MMP26: variants seen among roughly 807,000 people sequenced by gnomAD.
MMP26 encodes matrix metallopeptidase 26, also known as matrix metalloproteinase-26.
A neutral mutation model predicts 31.0 loss-of-function variants in MMP26; 33 were observed. The observed-to-expected ratio is 1.06, with a 90% CI of 0.81 to 1.42. The LOEUF (loss-of-function observed/expected upper bound fraction) is 1.42, where lower values mean the gene tolerates loss of function less well. MMP26 is among the 40% of genes most tolerant of loss of function. The pLI, the probability that MMP26 is intolerant of heterozygous loss-of-function variation, is 0.00. For synonymous variants in MMP26, 122 were observed against 114.9 expected, an observed-to-expected ratio of 1.06 and a Z score of -0.40; for missense variants, 347 against 316.1, an observed-to-expected ratio of 1.10 and a Z score of -0.74.
intron 2 of MMP26, among the ~76,000 whole-genome samples, chr11:4,844,588 G>A (rs1212832689): frequency 6.6e-6 from 1 of 151,928 alleles, no homozygotes; most frequent in African/African-American, 2.4e-5. Context: ...TGTATCCCTG[G>A]GACACAAGAA....
chr11:4,781,869 AC>A (rs1442673202), intron 2 of MMP26, among the ~76,000 whole-genome samples: 2 of 151,992 alleles, frequency 1.3e-5, no homozygotes, highest in Non-Finnish European at 1.5e-5. Flanking sequence ...ATAAGGGGAA[AC>A]CCTTTTTGTT....
rs1851064965 is a variant in MMP26 at position 4,915,303 on chromosome 11, G to A, written c.-144-72765G>A. 4 of 1,613,868 alleles carry A rather than the reference G, an allele frequency of 2.5e-6. No homozygotes were observed. In the South Asian group the frequency reaches 3.3e-5, roughly 13 times the overall value. On this transcript the variant is annotated intron_variant, in intron 2 of 7. Transcript: ENST00000380390. ...ACAAAGCGGTCAAAGGCCATAGACA[G>A]TAGCACAGAGGACTCGAGGAAGGAG...
chr11:4,810,319 C>A (rs927744487), intron 2 of MMP26, among the ~76,000 whole-genome samples: 1 of 151,796 alleles, frequency 6.6e-6, no homozygotes, highest in Non-Finnish European at 1.5e-5. Context: ...TAAGTCGAGT[C>A]GATGTGTGTA....
chr11:4,925,320 G>C (rs7947422), intron 2 of MMP26, among the ~76,000 whole-genome samples: 20,550 of 152,034 alleles, frequency 0.14, 1,582 homozygotes, highest in African/African-American at 0.18. Flanking sequence ...TTAGCCATTA[G>C]AAGAGAACAT....
intron 2 of MMP26, among the ~76,000 whole-genome samples, chr11:4,900,790 C>T (rs1850788908): frequency 6.6e-6 from 1 of 152,146 alleles, no homozygotes. Context: ...CTTCCAACAG[C>T]CTGGTCAATT....
chr11:4,907,457 C>T (rs1316954368), intron 2 of MMP26: 4 of 1,613,792 alleles, frequency 2.5e-6, no homozygotes, highest in Middle Eastern at 3.3e-4. Flanking sequence ...GTTCTCCATC[C>T]CCATTTGCCT....
At chr11:4,729,239 G>T (rs1456204774) in intron 1 of MMP26, among the ~76,000 whole-genome samples, 1 of 152,084 alleles carries the variant, frequency 6.6e-6, no homozygotes, top group Non-Finnish European at 1.5e-5. Flanking sequence ...CAGAAAATTA[G>T]AAGCCACTAC....
chr11:4,789,261 G>A (rs1253987082), intron 2 of MMP26, among the ~76,000 whole-genome samples: 2 of 152,126 alleles, frequency 1.3e-5, no homozygotes, highest in Admixed American at 1.3e-4. Context: ...AGATTGATTG[G>A]TTTGATTTAT....
intron 2 of MMP26, among the ~76,000 whole-genome samples, chr11:4,883,757 T>C (rs1850511182): frequency 6.6e-6 from 1 of 152,172 alleles, no homozygotes; most frequent in Non-Finnish European, 1.5e-5. Flanking sequence ...TGCTTTTGAA[T>C]AGGAAATTTC....
At chr11:4,957,085 T>A (rs2605307) in intron 2 of MMP26, among the ~76,000 whole-genome samples, 149,663 of 152,292 alleles carry the variant, frequency 0.98, 73,595 homozygotes, top group East Asian at 1. Context: ...GGTCTGTTAT[T>A]TTACTGATAA....
At chr11:4,730,855 T>C (rs1000238196) in intron 1 of MMP26, among the ~76,000 whole-genome samples, 1 of 152,228 alleles carries the variant, frequency 6.6e-6, no homozygotes, top group Non-Finnish European at 1.5e-5. Flanking sequence ...TGAGGTATGC[T>C]GGGACATCTC....
chr11:4,708,157 G>A (rs1039206116), intron 1 of MMP26, among the ~76,000 whole-genome samples: 4 of 152,184 alleles, frequency 2.6e-5, no homozygotes, highest in African/African-American at 9.7e-5. Flanking sequence ...CGTATGTAAA[G>A]TCACAGGTGA....
chr11:4,813,408 G>T (rs1259335010), intron 2 of MMP26, among the ~76,000 whole-genome samples: 1 of 150,888 alleles, frequency 6.6e-6, no homozygotes, highest in Admixed American at 6.6e-5. Context: ...TTATTTTTTA[G>T]AGATGGGGTC....
At chr11:4,917,736 A>G (rs552794354) in intron 2 of MMP26, among the ~76,000 whole-genome samples, 2 of 152,228 alleles carry the variant, frequency 1.3e-5, no homozygotes, top group Non-Finnish European at 2.9e-5. Flanking sequence ...TTAACAATAT[A>G]CTTTTTATGT....
chr11:4,987,426 T>G (rs1846918757), intron 2 of MMP26, among the ~76,000 whole-genome samples: 1 of 151,892 alleles, frequency 6.6e-6, no homozygotes, highest in South Asian at 2.1e-4. Flanking sequence ...TGTTTTTTGT[T>G]TTTTGTTTTT....
chr11:4,936,901 T>A (rs10836974), intron 2 of MMP26, among the ~76,000 whole-genome samples: 42,980 of 152,078 alleles, frequency 0.28, 6,578 homozygotes, highest in South Asian at 0.48. Context: ...ATACATATTT[T>A]AAAATTTTTA....
intron 1 of MMP26, among the ~76,000 whole-genome samples, chr11:4,742,535 A>C (rs1479862843): frequency 6.6e-6 from 1 of 152,142 alleles, no homozygotes; most frequent in Non-Finnish European, 1.5e-5. Flanking sequence ...ATGTCTGGGA[A>C]GGTTTTTCCA....
intron 2 of MMP26, among the ~76,000 whole-genome samples, chr11:4,950,806 T>C (rs1001864652): frequency 1.6e-5 from 2 of 122,890 alleles, no homozygotes; most frequent in Non-Finnish European, 3.7e-5. Flanking sequence ...TTTGGAAAAA[T>C]GCAAATTAAT....
At chr11:4,833,152 G>A (rs1175553436) in intron 2 of MMP26, 1 of 152,014 alleles carries the variant, frequency 6.6e-6, no homozygotes, top group Non-Finnish European at 1.5e-5. Context: ...AATAGGAAAT[G>A]GTTCTATTTA....
Sources: gnomAD v4.1 joint callset for allele counts (sites outside exome capture counted in the v4.1 genomes callset) on GRCh38, gnomAD v4.1.1 for gene constraint, MANE v1.5 for transcripts, NCBI Gene and HGNC (gene_info 2026-07-23, HGNC 2026-07-21) for gene names.